The following DNAJC21 variants were observed in gnomAD, a reference collection of about 807,000 sequenced individuals.
The protein encoded by DNAJC21 is dnaJ homolog subfamily C member 21.
In DNAJC21, 63 loss-of-function variants were observed where a neutral mutation model predicts 72.4. The observed-to-expected ratio is 0.87, with a 90% CI of 0.71 to 1.07. The LOEUF (loss-of-function observed/expected upper bound fraction) is 1.07, where lower values mean the gene tolerates loss of function less well. Ranked by LOEUF, DNAJC21 falls within the 50% of genes least tolerant of loss-of-function variation. The pLI, the probability that DNAJC21 is intolerant of heterozygous loss-of-function variation, is 0.00. For synonymous variants in DNAJC21, 203 were observed against 216.7 expected, an observed-to-expected ratio of 0.94 and a Z score of 0.56; for missense variants, 634 against 644.8, an observed-to-expected ratio of 0.98 and a Z score of 0.18.
intron 10 of DNAJC21, chr5:34,952,525 A>G (rs1039936297): frequency 6.5e-6 from 1 of 153,380 alleles, no homozygotes; most frequent in Non-Finnish European, 1.4e-5. Flanking sequence ...TGTACAGTAT[A>G]GTTGGACCCA....
At position 34,939,644 on chromosome 5, in the gene DNAJC21, C is replaced by T. The variant is rs114273427; in HGVS notation, c.895+635C>T. Reference sequence around the variant, plus strand: ...ACTATTTCTAGAAAAGCTGATATTGCATGAGAATCTATGTGTTGTGTATAA... The same window carrying T: ...ACTATTTCTAGAAAAGCTGATATTGTATGAGAATCTATGTGTTGTGTATAA... On this transcript the variant is annotated intron_variant, in intron 6 of 11. Transcript: ENST00000648817. Among the ~76,000 whole-genome samples, 882 of 152,218 alleles carry T rather than the reference C, an allele frequency of 5.8e-3. 8 individuals are homozygous for T. The highest frequency in any genetic ancestry group is 0.02 in the African/African-American group (841 of 41,536).
At chr5:34,930,746 A>G (rs532274967) in intron 1 of DNAJC21, among the ~76,000 whole-genome samples, 1 of 152,220 alleles carries the variant, frequency 6.6e-6, no homozygotes, top group Non-Finnish European at 1.5e-5. Flanking sequence ...AGAGTATCCA[A>G]TATATGCAAG....
At position 34,958,877 on chromosome 5, in the gene DNAJC21, CA is replaced by C. The variant is rs749993353; in HGVS notation, c.*4167del. ...AAAAATAAGAAGAATGACTATTTTTCAAAACAAAAAATGAGAAGAGTGGTAT... is the reference window on the plus strand; with the variant it reads ...AAAAATAAGAAGAATGACTATTTTTCAAACAAAAAATGAGAAGAGTGGTAT... On this transcript the variant is annotated 3_prime_UTR_variant, in exon 12 of 12. Transcript: ENST00000648817. The C allele has an allele frequency of 5.9e-5, 9 of 152,066 alleles. No homozygotes were observed. Among genetic ancestry groups the C allele is most frequent in the Non-Finnish European group, 1.0e-4 (7 of 67,942 alleles). The allele number at this position is 152,066 out of a possible 1,614,324, so 9.4% of individuals were successfully genotyped here. A position where few individuals can be genotyped will look rare whatever the true frequency, so the allele number is the denominator to read the frequency against.
chr5:34,954,760 CAAAAAACTGAACTG>C lies in DNAJC21; in HGVS notation c.*50_*63del, dbSNP rs1417656723. On this transcript the variant is annotated 3_prime_UTR_variant, in exon 12 of 12. Transcript: ENST00000648817. ...TTTGACTGTCTCTAGATTTTGAAACCAAAAAACTGAACTGAAATCATCTAAAGAGTTAAAATTTC... is the reference window on the plus strand; with the variant it reads ...TTTGACTGTCTCTAGATTTTGAAACCAAATCATCTAAAGAGTTAAAATTTC... 4 of 1,494,964 alleles carry C rather than the reference CAAAAAACTGAACTG, an allele frequency of 2.7e-6. No individual in the cohort carries two copies. Among genetic ancestry groups the C allele is most frequent in the Non-Finnish European group, 3.6e-6 (4 of 1,118,598 alleles). 92.6% of individuals were successfully genotyped at this position (1,494,964 alleles called of 1,614,324 possible).
intron 5 of DNAJC21, among the ~76,000 whole-genome samples, chr5:34,938,266 G>A (rs964507013): frequency 6.6e-6 from 1 of 152,218 alleles, no homozygotes; most frequent in Non-Finnish European, 1.5e-5. Context: ...ATGCTGTGAA[G>A]TACTTATCCT....
intron 4 of DNAJC21, 58 bp from the exon 5 acceptor site, chr5:34,937,268 T>C: frequency 6.5e-7 from 1 of 1,529,018 alleles, no homozygotes; most frequent in Non-Finnish European, 8.8e-7. Flanking sequence ...TAATATTTAC[T>C]GCTTTTCTAA....
At position 34,935,808 on chromosome 5, in the gene DNAJC21, A is replaced by C. The variant is rs746567825; in HGVS notation, c.290A>C (p.Tyr97Ser). 2.6e-5 allele frequency: 42 copies of C among 1,613,882 alleles called. No individual in the cohort carries two copies. Among genetic ancestry groups the C allele is most frequent in the Middle Eastern group, 1.6e-4 (1 of 6,080 alleles). ...CTACGCTATTTCACCGTTACCTGTT[A>C]TTCTGGTTATGGAGATGATGAAAAG... Reference protein sequence around the residue: ...DLLRYFTVTCYSGYGDDEKGF... With the variant: ...DLLRYFTVTCSSGYGDDEKGF... Residue 97 changes from tyrosine to serine, a missense_variant, in exon 3 of 12, where the codon TAT becomes TCT. By Grantham distance (144) the Tyr-to-Ser change is moderately radical. Transcript: ENST00000648817.
chr5:34,942,562 T>A (rs1237354119), intron 7 of DNAJC21, among the ~76,000 whole-genome samples: 3 of 151,088 alleles, frequency 2.0e-5, no homozygotes, highest in Non-Finnish European at 4.4e-5. Context: ...AGATTAAAAA[T>A]TTTTTTTTAT....
At chr5:34,933,409 C>G (rs569554385) in intron 1 of DNAJC21, among the ~76,000 whole-genome samples, 1 of 152,274 alleles carries the variant, frequency 6.6e-6, no homozygotes, top group Admixed American at 6.5e-5. Context: ...GTAGTTGGGA[C>G]TACAGGCATG....
intron 6 of DNAJC21, 108 bp from the exon 7 acceptor site, chr5:34,940,987 AT>A (rs941253051): frequency 2.5e-3 from 2,178 of 874,930 alleles, no homozygotes; most frequent in Non-Finnish European, 2.9e-3. Context: ...CCTTAGGATT[AT>A]TTTTTTTTAG....
chr5:34,944,820 C>T (rs754019199), intron 7 of DNAJC21, 47 bp from the exon 8 acceptor site: 122 of 1,607,266 alleles, frequency 7.6e-5, no homozygotes, highest in Non-Finnish European at 9.6e-5. Context: ...TATCTGGACA[C>T]GTGAACTAAT....
intron 9 of DNAJC21, among the ~76,000 whole-genome samples, chr5:34,948,724 G>T (rs1483609430): frequency 1.3e-5 from 2 of 152,070 alleles, no homozygotes; most frequent in Non-Finnish European, 2.9e-5. Context: ...AATTAGCCGG[G>T]CGTGGTGCCA....
chr5:34,937,294 C>T lies in DNAJC21; in HGVS notation c.439-32C>T, dbSNP rs369429980. 39 of 1,560,884 alleles carry T rather than the reference C, an allele frequency of 2.5e-5. No individual in the cohort carries two copies. In the East Asian group the frequency reaches 3.4e-4, roughly 14 times the overall value. On this transcript the variant is annotated intron_variant, in intron 4 of 11. Coordinates refer to ENST00000648817, the MANE Select transcript of DNAJC21 (RefSeq NM_001012339.3). ...GCTTTTCTAAAAAAAAATCTTAAAG[C>T]GCAGAAGTTAATCTGTTTTCTTTGT...
rs1170795593 is a variant in DNAJC21, at chr5:34,957,586, T to C, written c.*2872T>C. 1.3e-5 allele frequency: 2 copies of C among 152,290 alleles called. No homozygotes were observed. Among genetic ancestry groups the C allele is most frequent in the African/African-American group, 2.4e-5 (1 of 41,572 alleles). The allele number at this position is 152,290 out of a possible 1,614,324, so 9.4% of individuals were successfully genotyped here. A position where few individuals can be genotyped will look rare whatever the true frequency, so the allele number is the denominator to read the frequency against. ...AATTTTGGTACCATGAGAAGACTTA[T>C]AAAGGATTTCATCAGAAGTTTTCAT... On this transcript the variant is annotated 3_prime_UTR_variant, in exon 12 of 12. Coordinates refer to ENST00000648817, the MANE Select transcript of DNAJC21 (RefSeq NM_001012339.3).
chr5:34,944,134 A>G (rs543230709), intron 7 of DNAJC21, among the ~76,000 whole-genome samples: 4 of 152,274 alleles, frequency 2.6e-5, no homozygotes, highest in African/African-American at 9.6e-5. Flanking sequence ...TATGTTGTCA[A>G]CCCTGTTTTG....
At position 34,954,921 on chromosome 5, in the gene DNAJC21, A is replaced by G; in HGVS notation, c.*207A>G. 4.1e-6 allele frequency: 2 copies of G among 487,232 alleles called. No individual in the cohort carries two copies. The highest frequency in any genetic ancestry group is 6.7e-6 in the Non-Finnish European group (2 of 298,058). The allele number at this position is 487,232 out of a possible 1,614,324, so 30.2% of individuals were successfully genotyped here. On this transcript the variant is annotated 3_prime_UTR_variant, in exon 12 of 12. Transcript: ENST00000648817. ...ATTGAATTCTACTTTTGCCATCTGA[A>G]TTGACTTGAATGTCTTAAAACAGGT...
rs1433943967 is a variant in DNAJC21, at chr5:34,941,104, A to G, written c.904A>G (p.Ser302Gly). Residue 302 changes from serine to glycine, a missense_variant, in exon 7 of 12, where the codon AGT becomes GGT. By Grantham distance (56) the Ser-to-Gly change is moderately conservative. Transcript: ENST00000648817. ...ELKDEEDGKDSDEAEDAELYD... is the reference protein window; with the variant it reads ...ELKDEEDGKDGDEAEDAELYD... ...AGGCTTCCCTGTCATAGGTAAAGAC[A>G]GTGATGAGGCCGAGGACGCTGAGCT... 6.2e-7 allele frequency: 1 copy of G among 1,613,660 alleles called. No individual in the cohort carries two copies. The highest frequency in any genetic ancestry group is 1.3e-5 in the African/African-American group (1 of 74,924).
chr5:34,941,907 T>G (rs1397125158), intron 7 of DNAJC21, among the ~76,000 whole-genome samples: 2 of 151,450 alleles, frequency 1.3e-5, no homozygotes, highest in Non-Finnish European at 2.9e-5. Flanking sequence ...ATTTTGAAAG[T>G]TCTAAAAACA....
chr5:34,954,435 C>G (rs1765471976), intron 11 of DNAJC21, 118 bp from the exon 12 acceptor site: 1 of 1,255,992 alleles, frequency 8.0e-7, no homozygotes, highest in East Asian at 2.5e-5. Flanking sequence ...TACCTGTCCA[C>G]TCTGTTAAAA....
Sources: allele counts gnomAD v4.1 joint callset (sites outside exome capture counted in the v4.1 genomes callset), GRCh38; gene constraint gnomAD v4.1.1; transcripts MANE v1.5; gene names NCBI Gene and HGNC (gene_info 2026-07-23, HGNC 2026-07-21).